The following GDAP2 variants were observed in gnomAD, a reference collection of about 807,000 sequenced individuals.
GDAP2 encodes ganglioside induced differentiation associated protein 2.
In GDAP2, 51 loss-of-function variants were observed where a neutral mutation model predicts 67.0. That is an observed-to-expected ratio of 0.76 (90% CI 0.61 to 0.96). The LOEUF (loss-of-function observed/expected upper bound fraction) is 0.96. Ranked by LOEUF, GDAP2 falls within the 40% of genes least tolerant of loss-of-function variation. The probability of loss-of-function intolerance (pLI) is 0.00; values close to 1 mark genes in which losing one functional copy is unlikely to be tolerated. For synonymous variants in GDAP2, 203 were observed against 207.3 expected (o/e 0.98, Z 0.18); for missense variants, 547 against 588.3 (o/e 0.93, Z 0.73).
intron 3 of GDAP2, among the ~76,000 whole-genome samples, chr1:117,916,989 A>C (rs1650068219): frequency 6.6e-6 from 1 of 151,710 alleles, no homozygotes; most frequent in African/African-American, 2.4e-5. Context: ...AGCCAAGATC[A>C]CACCACTGCA....
chr1:117,917,506 A>G (rs1232147909), intron 3 of GDAP2, among the ~76,000 whole-genome samples: 2 of 152,286 alleles, frequency 1.3e-5, no homozygotes, highest in Admixed American at 6.5e-5. Flanking sequence ...TCCATCTCCA[A>G]ATATTTATTA....
chr1:117,928,489 C>G (rs61806137), intron 1 of GDAP2, among the ~76,000 whole-genome samples: 1 of 152,194 alleles, frequency 6.6e-6, no homozygotes, highest in Non-Finnish European at 1.5e-5. Context: ...CTCCCTTTCC[C>G]ACCAAGCTTA....
chr1:117,919,296 C>T (rs2101165004), intron 2 of GDAP2, among the ~76,000 whole-genome samples: 1 of 151,590 alleles, frequency 6.6e-6, no homozygotes, highest in South Asian at 2.1e-4. Context: ...ATGGTGTGAA[C>T]CTGGGAGGCG....
chr1:117,899,510 T>C (rs1302967663), intron 6 of GDAP2, among the ~76,000 whole-genome samples: 1 of 152,174 alleles, frequency 6.6e-6, no homozygotes. Flanking sequence ...CTTCACTTCC[T>C]AATGATACCA....
intron 10 of GDAP2, among the ~76,000 whole-genome samples, chr1:117,884,893 C>T (rs1274769899): frequency 6.6e-6 from 1 of 151,726 alleles, no homozygotes; most frequent in Non-Finnish European, 1.5e-5. Flanking sequence ...GGCTGGAGTG[C>T]AATGGCATGA....
intron 13 of GDAP2, among the ~76,000 whole-genome samples, chr1:117,873,999 T>C (rs906625758): frequency 6.6e-6 from 1 of 152,200 alleles, no homozygotes; most frequent in Non-Finnish European, 1.5e-5. Context: ...TCTACAGTCA[T>C]TGTCTAAACA....
Position 117,912,093 on chromosome 1 carries a change from G to A in GDAP2, c.471-11C>T. ...GACATTGACTGCTCTCTGCAACAAAGGGAAAACACAAAAATTGCACTAGAA... is the reference window on the plus strand; with the variant it reads ...GACATTGACTGCTCTCTGCAACAAAAGGAAAACACAAAAATTGCACTAGAA... On this transcript the variant is annotated splice_polypyrimidine_tract_variant and intron_variant, in intron 4 of 13. Coordinates refer to ENST00000369443, the MANE Select transcript of GDAP2 (RefSeq NM_017686.4). The A allele has an allele frequency of 6.5e-7, 1 of 1,544,542 alleles. No individual in the cohort carries two copies. The highest frequency in any genetic ancestry group is 1.1e-5 in the South Asian group (1 of 89,576).
intron 6 of GDAP2, among the ~76,000 whole-genome samples, chr1:117,901,648 G>C (rs1649473136): frequency 6.6e-6 from 1 of 152,068 alleles, no homozygotes; most frequent in Non-Finnish European, 1.5e-5. Flanking sequence ...GTGTTTACTG[G>C]CTGTGTATCT....
Position 117,901,627 on chromosome 1 carries a change from G to A in GDAP2, c.637-2411C>T, listed in dbSNP as rs540256987. On this transcript the variant is annotated intron_variant, in intron 6 of 13. Transcript: ENST00000369443. ...TTTCTCTAATGGTTAATGGTGTGGA[G>A]CACCTTTTCAGTGTTTACTGGCTGT... is the stretch of plus-strand genomic sequence containing the variant. Among the ~76,000 whole-genome samples, 3 of 152,312 alleles carry A rather than the reference G, an allele frequency of 2.0e-5. No homozygotes were observed. In the Middle Eastern group the frequency reaches 0.01, roughly 518 times the overall value.
chr1:117,869,546 T>C lies in GDAP2; in HGVS notation c.*1023A>G, dbSNP rs964249648. ...CTATCTTCATGATACCTCTGTGAGG[T>C]AGGCAGCATAATTCTAATTTTTACT... On this transcript the variant is annotated 3_prime_UTR_variant, in exon 14 of 14. Coordinates refer to ENST00000369443, the MANE Select transcript of GDAP2 (RefSeq NM_017686.4). The C allele has an allele frequency of 2.0e-5, 3 of 152,638 alleles. No individual in the cohort carries two copies. Among genetic ancestry groups the C allele is most frequent in the Non-Finnish European group, 4.4e-5 (3 of 68,044 alleles). The allele number at this position is 152,638 out of a possible 1,614,324, so 9.5% of individuals were successfully genotyped here. A position where few individuals can be genotyped will look rare whatever the true frequency, so the allele number is the denominator to read the frequency against.
At chr1:117,916,975 G>A (rs1201643570) in intron 3 of GDAP2, among the ~76,000 whole-genome samples, 4 of 151,650 alleles carry the variant, frequency 2.6e-5, no homozygotes, top group South Asian at 4.2e-4. Flanking sequence ...CGGAGGTTGT[G>A]GTGAGCCAAG....
At chr1:117,906,640 A>G (rs1200139292) in intron 5 of GDAP2, 58 bp from the exon 6 acceptor site, 4 of 889,442 alleles carry the variant, frequency 4.5e-6, no homozygotes, top group Admixed American at 2.1e-5. Context: ...TACATAAAGA[A>G]AAATCAAGCT....
At chr1:117,886,756 T>G (rs777035606) in intron 9 of GDAP2, 103 bp from the exon 10 acceptor site, 109 of 706,224 alleles carry the variant, frequency 1.5e-4, no homozygotes, top group Non-Finnish European at 2.4e-4. Flanking sequence ...TTTAAAAGAT[T>G]GAAAACAAGG....
chr1:117,908,696 A>G (rs906238029), intron 5 of GDAP2, among the ~76,000 whole-genome samples: 2 of 151,982 alleles, frequency 1.3e-5, no homozygotes, highest in African/African-American at 4.8e-5. Flanking sequence ...ATGGTGACGC[A>G]TGCCTGTAGT....
In GDAP2 at chr1:117,914,208, G is replaced by A. The variant is rs531526082; in HGVS notation, c.317-1525C>T. On this transcript the variant is annotated intron_variant, in intron 3 of 13. Transcript: ENST00000369443. Reference sequence around the variant, plus strand: ...GAAAAGCCTCTAACAAAAACTAAAAGGGGAGACTAAACACATGCTCAAGAA... The same window carrying A: ...GAAAAGCCTCTAACAAAAACTAAAAAGGGAGACTAAACACATGCTCAAGAA... 2.6e-5 allele frequency among the ~76,000 whole-genome samples: 4 copies of A among 152,136 alleles called. No homozygotes were observed. The South Asian group carries it at 8.3e-4, about 32-fold the overall frequency.
chr1:117,924,900 ATCATGGTTAAATTGCC>A (rs1212406333), intron 1 of GDAP2, among the ~76,000 whole-genome samples: 1 of 152,194 alleles, frequency 6.6e-6, no homozygotes, highest in Non-Finnish European at 1.5e-5. Flanking sequence ...ATACTCTTCT[ATCATGGTTAAATTGCC>A]TCATGCTCAA....
Position 117,887,750 on chromosome 1 carries a change from T to C in GDAP2, c.978A>G (p.Ala326=). The part of the protein sequence containing the change: ...QRNYNRWLCQ[A]RSEDLSDIAS... ...CAATATCAGACAGATCCTCAGATCT[T>C]GCTTGACATAACCAGCGATTATAAC... Residue 326 remains alanine (A), a synonymous_variant, in exon 9 of 14, where the codon GCA becomes GCG. Coordinates refer to ENST00000369443, the MANE Select transcript of GDAP2 (RefSeq NM_017686.4). The C allele has an allele frequency of 6.3e-7, 1 of 1,575,720 alleles. No individual in the cohort carries two copies. Among genetic ancestry groups the C allele is most frequent in the Non-Finnish European group, 8.7e-7 (1 of 1,145,724 alleles).
chr1:117,887,287 C>A (rs74113078), intron 9 of GDAP2, among the ~76,000 whole-genome samples: 8,556 of 152,076 alleles, frequency 0.056, 585 homozygotes, highest in African/African-American at 0.16. Context: ...TTGATCCAGG[C>A]AAAACTAAAT....
rs1014175047 is a variant in GDAP2 at position 117,868,789 on chromosome 1, C to T, written c.*1780G>A. On this transcript the variant is annotated 3_prime_UTR_variant, in exon 14 of 14. Transcript: ENST00000369443. ...TGAGAGAAAGCTTAACATCCGACAT[C>T]TGACTGGCTGCCTGGATGTGATGAC... 1.3e-5 allele frequency: 2 copies of T among 152,114 alleles called. No individual in the cohort carries two copies. The highest frequency in any genetic ancestry group is 1.3e-4 in the Admixed American group (2 of 15,272). The allele number at this position is 152,114 out of a possible 1,614,324, so 9.4% of individuals were successfully genotyped here. A position where few individuals can be genotyped will look rare whatever the true frequency, so the allele number is the denominator to read the frequency against.
Sources: allele counts gnomAD v4.1 joint callset (sites outside exome capture counted in the v4.1 genomes callset), GRCh38; gene constraint gnomAD v4.1.1; transcripts MANE v1.5; gene names NCBI Gene and HGNC (gene_info 2026-07-23, HGNC 2026-07-21).